Variants in SOX5 observed in about 807,000 individuals in gnomAD.
The protein encoded by SOX5 is transcription factor SOX-5.
A neutral mutation model predicts 92.0 loss-of-function variants in SOX5; 9 were observed. The observed-to-expected ratio is 0.10, with a 90% CI of 0.06 to 0.17. The LOEUF (loss-of-function observed/expected upper bound fraction) is 0.17, where lower values mean the gene tolerates loss of function less well. Ranked by LOEUF, SOX5 falls within the 10% of genes least tolerant of loss-of-function variation. The pLI is 1.00. For synonymous variants in SOX5, 344 were observed against 336.3 expected (o/e 1.02, Z -0.25); for missense variants, 642 against 944.5 (o/e 0.68, Z 4.20).
chr12:24,223,837 C>T (rs796224053), intron 3 of SOX5, among the ~76,000 whole-genome samples: 8 of 152,232 alleles, frequency 5.3e-5, no homozygotes, highest in African/African-American at 1.7e-4. Context: ...GTTTTGCTTC[C>T]GTTAGAAAAT....
chr12:23,876,581 G>A (rs550889204), intron 2 of SOX5, among the ~76,000 whole-genome samples: 3 of 152,264 alleles, frequency 2.0e-5, no homozygotes, highest in African/African-American at 7.2e-5. Flanking sequence ...GATTCCTCAA[G>A]GATCTAGAAC....
rs372395176 is a variant in SOX5, at chr12:23,904,948, G to A, written c.39-8924C>T. Among the ~76,000 whole-genome samples, 32 of 152,014 alleles carry A rather than the reference G, an allele frequency of 2.1e-4. No individual in the cohort carries two copies. In the South Asian group the frequency reaches 5.0e-3, roughly 24 times the overall value. The stretch of plus-strand genomic sequence containing the variant: ...AGAGATGGAGGGGAGGATTAGATGC[G>A]CAAAACAATGTAAAGGTACAAGGTT... On this transcript the variant is annotated intron_variant, in intron 1 of 14. Transcript: ENST00000451604.
intron 10 of SOX5, among the ~76,000 whole-genome samples, chr12:23,563,635 A>T (rs1946584482): frequency 6.6e-6 from 1 of 152,224 alleles, no homozygotes; most frequent in African/African-American, 2.4e-5. Context: ...ATAATACCTA[A>T]GTGACATATG....
intron 4 of SOX5, among the ~76,000 whole-genome samples, chr12:23,956,288 A>G (rs1946270099): frequency 6.6e-6 from 1 of 152,062 alleles, no homozygotes; most frequent in South Asian, 2.1e-4. Flanking sequence ...AAGTTAGGAA[A>G]CCTGTGCTCT....
At chr12:24,387,060 G>A (rs2136436362) in intron 1 of SOX5, among the ~76,000 whole-genome samples, 1 of 152,214 alleles carries the variant, frequency 6.6e-6, no homozygotes, top group South Asian at 2.1e-4. Context: ...TGATTATACT[G>A]GTATATATTT....
intron 4 of SOX5, among the ~76,000 whole-genome samples, chr12:24,023,276 T>G (rs1434173938): frequency 6.6e-6 from 1 of 152,152 alleles, no homozygotes; most frequent in Admixed American, 6.6e-5. Context: ...CTGAGGATTA[T>G]TCTTCAAGTT....
At chr12:24,142,856 G>C (rs1950717860) in intron 4 of SOX5, among the ~76,000 whole-genome samples, 1 of 150,404 alleles carries the variant, frequency 6.6e-6, no homozygotes, top group Admixed American at 6.7e-5. Context: ...CCAGCTACTA[G>C]ATAAGACAAA....
intron 3 of SOX5, among the ~76,000 whole-genome samples, chr12:24,218,754 A>G (rs1343380372): frequency 6.6e-6 from 1 of 152,128 alleles, no homozygotes; most frequent in East Asian, 1.9e-4. Flanking sequence ...AAATCTAACA[A>G]TGTTAAGATA....
intron 4 of SOX5, among the ~76,000 whole-genome samples, chr12:24,164,295 A>C (rs1236882038): frequency 6.6e-6 from 1 of 152,068 alleles, no homozygotes; most frequent in African/African-American, 2.4e-5. Context: ...TATAAAGTTA[A>C]AGCTTTCTTC....
intron 2 of SOX5, among the ~76,000 whole-genome samples, chr12:24,367,430 A>C (rs1414462662): frequency 1.3e-5 from 2 of 152,162 alleles, no homozygotes; most frequent in Non-Finnish European, 2.9e-5. Context: ...AACTATACAC[A>C]AAAGCCAATA....
rs376397970 is a variant in SOX5, at chr12:24,022,234, T to G, written c.-1-126210A>C. ...AGAAATTTCCCTGAGGAAGTGATAC[T>G]TTTTTCTCAGATATAAAGTAAGAAT... is the stretch of plus-strand genomic sequence containing the variant. On this transcript the variant is annotated intron_variant, in intron 4 of 4. Transcript: ENST00000446891. Among the ~76,000 whole-genome samples, 12 of 152,252 alleles carry G rather than the reference T, an allele frequency of 7.9e-5. No individual in the cohort carries two copies. The East Asian group carries it at 2.3e-3, about 29-fold the overall frequency.
At chr12:24,405,533 T>TATAAAATAAG (rs1436622314) in intron 1 of SOX5, among the ~76,000 whole-genome samples, 1 of 152,110 alleles carries the variant, frequency 6.6e-6, no homozygotes, top group Non-Finnish European at 1.5e-5. Context: ...CCTTCCTACA[T>TATAAAATAAG]ATAAAATAAG....
chr12:24,287,566 A>G (rs1946036635), intron 2 of SOX5, among the ~76,000 whole-genome samples: 1 of 142,084 alleles, frequency 7.0e-6, no homozygotes, highest in East Asian at 2.1e-4. Context: ...GCTAAAGGGC[A>G]TCTTAAAAAC....
chr12:23,933,249 A>T (rs1406022016), intron 1 of SOX5, among the ~76,000 whole-genome samples: 1 of 151,622 alleles, frequency 6.6e-6, no homozygotes, highest in Non-Finnish European at 1.5e-5. Flanking sequence ...GACCTGAATC[A>T]TCTCTTTGTC....
chr12:23,747,636 ACCCAGGTTT>A (rs1330990367), intron 4 of SOX5, among the ~76,000 whole-genome samples: 5 of 151,986 alleles, frequency 3.3e-5, no homozygotes, highest in African/African-American at 9.7e-5. Flanking sequence ...CTTCGCCCAG[ACCCAGGTTT>A]CTCAACCTCA....
intron 3 of SOX5, among the ~76,000 whole-genome samples, chr12:23,838,854 G>GC (rs544851827): frequency 1.1e-5 from 1 of 93,544 alleles, no homozygotes; most frequent in Non-Finnish European, 2.2e-5. Context: ...GGGGGGGGGG[G>GC]GCGGGGATGG....
intron 1 of SOX5, among the ~76,000 whole-genome samples, chr12:24,464,386 G>T (rs12579873): frequency 6.7e-6 from 1 of 150,206 alleles, no homozygotes; most frequent in Non-Finnish European, 1.5e-5. Flanking sequence ...GCAGTGGCAC[G>T]ATCTCGGCTC....
intron 2 of SOX5, among the ~76,000 whole-genome samples, chr12:24,355,860 C>T (rs1051507246): frequency 2.0e-5 from 3 of 152,126 alleles, no homozygotes; most frequent in Non-Finnish European, 2.9e-5. Flanking sequence ...ACAGAAATCC[C>T]TGGCTGTGCT....
chr12:24,226,375 TA>T (rs1961977420), intron 3 of SOX5, among the ~76,000 whole-genome samples: 1 of 152,204 alleles, frequency 6.6e-6, no homozygotes, highest in Non-Finnish European at 1.5e-5. Flanking sequence ...GCATTCCATA[TA>T]TACTTTTGAA....
Sources: allele counts gnomAD v4.1 joint callset (sites outside exome capture counted in the v4.1 genomes callset), GRCh38; gene constraint gnomAD v4.1.1; transcripts MANE v1.5; gene names NCBI Gene and HGNC (gene_info 2026-07-23, HGNC 2026-07-21).